TTL: variants seen among roughly 807,000 people sequenced by gnomAD.
TTL encodes the protein tubulin tyrosine ligase.
Under a neutral mutation model 41.1 loss-of-function variants are expected in TTL, and 10 were observed. That is an observed-to-expected ratio of 0.24 (90% CI 0.15 to 0.41). TTL has a LOEUF of 0.41. Ranked by LOEUF, TTL falls within the 10% of genes least tolerant of loss-of-function variation. The pLI is 1.00. For synonymous variants in TTL, 175 were observed against 175.5 expected (o/e 1.00, Z 0.02); for missense variants, 367 against 460.4 (o/e 0.80, Z 1.86).
intron 5 of TTL, among the ~76,000 whole-genome samples, chr2:112,517,148 G>A (rs1308540464): frequency 3.3e-5 from 4 of 120,384 alleles, no homozygotes; most frequent in African/African-American, 1.3e-4. Context: ...TTAATCTTGA[G>A]CTTTCAGCAA....
At position 112,502,894 on chromosome 2, in the gene TTL, G is replaced by A; in HGVS notation, c.606-18G>A. 1 of 1,596,168 alleles carries A rather than the reference G, an allele frequency of 6.3e-7. No individual in the cohort carries two copies. Among genetic ancestry groups the A allele is most frequent in the Non-Finnish European group, 8.5e-7 (1 of 1,170,124 alleles). ...CTTTGGATGACTTGAGTAAAGCAGT[G>A]TTTTTGTTGAATTGCAGAAGCTGGG... On this transcript the variant is annotated intron_variant, in intron 4 of 6. Transcript: ENST00000233336.
chr2:112,499,242 G>T (rs1248506551), intron 3 of TTL, among the ~76,000 whole-genome samples: 2 of 150,490 alleles, frequency 1.3e-5, no homozygotes, highest in Admixed American at 6.6e-5. Flanking sequence ...TTGAACCAGG[G>T]GGCAGAGGTT....
chr2:112,512,338 C>T (rs1322228137), intron 5 of TTL, among the ~76,000 whole-genome samples: 1 of 151,834 alleles, frequency 6.6e-6, no homozygotes, highest in East Asian at 1.9e-4. Context: ...TCTCGGCTCA[C>T]TGCAAGCTCC....
At chr2:112,499,189 C>T (rs1388171953) in intron 3 of TTL, among the ~76,000 whole-genome samples, 9 of 152,098 alleles carry the variant, frequency 5.9e-5, no homozygotes, top group Non-Finnish European at 1.3e-4. Context: ...GTGGCGCATG[C>T]CTGTACTTTC....
rs760041096 is a variant in TTL, at chr2:112,530,118, G to A, written c.*1323G>A. On this transcript the variant is annotated 3_prime_UTR_variant, in exon 7 of 7. Coordinates refer to ENST00000233336, the MANE Select transcript of TTL (RefSeq NM_153712.5). Reference sequence around the variant, plus strand: ...TGCCCTCCCCACCAGAACGTGCTACGTTCTTTCTTCATGCCTATGTGTGCT... The same window carrying A: ...TGCCCTCCCCACCAGAACGTGCTACATTCTTTCTTCATGCCTATGTGTGCT... 4.4e-5 allele frequency: 10 copies of A among 229,454 alleles called. No homozygotes were observed. Among genetic ancestry groups the A allele is most frequent in the Non-Finnish European group, 6.9e-5 (8 of 115,816 alleles). 14.2% of individuals were successfully genotyped at this position (229,454 alleles called of 1,614,324 possible).
In TTL at chr2:112,531,298, A is replaced by C. The variant is rs1682503931; in HGVS notation, c.*2503A>C. 4.4e-6 allele frequency: 1 copy of C among 227,230 alleles called. No individual in the cohort carries two copies. Among genetic ancestry groups the C allele is most frequent in the Non-Finnish European group, 8.8e-6 (1 of 114,070 alleles). 14.1% of individuals were successfully genotyped at this position (227,230 alleles called of 1,614,324 possible). Reference sequence around the variant, plus strand: ...GCTACCCGTTGCTGGGGGAGGAGTCATGGTTTATTTGGAAATGTCAGTTGC... The same window carrying C: ...GCTACCCGTTGCTGGGGGAGGAGTCCTGGTTTATTTGGAAATGTCAGTTGC... On this transcript the variant is annotated 3_prime_UTR_variant, in exon 7 of 7. Transcript: ENST00000233336.
In TTL at chr2:112,533,668, AT is replaced by A. The variant is rs1040973691; in HGVS notation, c.*4875del. The A allele has an allele frequency of 2.0e-5, 3 of 152,160 alleles. No individual in the cohort carries two copies. The highest frequency in any genetic ancestry group is 7.2e-5 in the African/African-American group (3 of 41,438). 9.4% of individuals were successfully genotyped at this position (152,160 alleles called of 1,614,324 possible). A position where few individuals can be genotyped will look rare whatever the true frequency, so the allele number is the denominator to read the frequency against. On this transcript the variant is annotated 3_prime_UTR_variant, in exon 7 of 7. Transcript: ENST00000233336. The stretch of plus-strand genomic sequence containing the variant: ...TAACTCACCCTTTAACTAGCAACCC[AT>A]TCCTGTGATAACTAACCCACTCCTG...
At chr2:112,489,507 C>T (rs1681326151) in intron 2 of TTL, among the ~76,000 whole-genome samples, 1 of 152,170 alleles carries the variant, frequency 6.6e-6, no homozygotes, top group Admixed American at 6.5e-5. Flanking sequence ...AGTAAATTCA[C>T]CAACTCTTGT....
At position 112,538,961 on chromosome 2, in the gene TTL, C is replaced by CA. The variant is rs1449471416; in HGVS notation, c.*10172dup. The CA allele has an allele frequency of 1.3e-5, 2 of 151,318 alleles. No individual in the cohort carries two copies. Among genetic ancestry groups the CA allele is most frequent in the Non-Finnish European group, 2.9e-5 (2 of 67,894 alleles). 9.4% of individuals were successfully genotyped at this position (151,318 alleles called of 1,614,324 possible). A position where few individuals can be genotyped will look rare whatever the true frequency, so the allele number is the denominator to read the frequency against. On this transcript the variant is annotated 3_prime_UTR_variant, in exon 7 of 7. Coordinates refer to ENST00000233336, the MANE Select transcript of TTL (RefSeq NM_153712.5). ...TGAAACCCCGTCTCCACTAAAAATA[C>CA]AAAAAATTAGCCGGGCGTGGTAGCA...
chr2:112,512,407 C>T lies in TTL; in HGVS notation c.876-7875C>T, dbSNP rs200818249. 1.6e-3 allele frequency among the ~76,000 whole-genome samples: 238 copies of T among 152,150 alleles called. 1 individual carries two copies. The highest frequency in any genetic ancestry group is 0.013 in the East Asian group (67 of 5,164). ...CCTCCCGAATAGCTGGGACTACAGGCGCCCGCCACCATGCCCGGCTAATTT... is the reference window on the plus strand; with the variant it reads ...CCTCCCGAATAGCTGGGACTACAGGTGCCCGCCACCATGCCCGGCTAATTT... On this transcript the variant is annotated intron_variant, in intron 5 of 6. Transcript: ENST00000233336.
chr2:112,499,209 G>C (rs1165202015), intron 3 of TTL, among the ~76,000 whole-genome samples: 7 of 152,212 alleles, frequency 4.6e-5, no homozygotes, highest in Non-Finnish European at 2.9e-5. Context: ...CAGCTACTCG[G>C]GAGGCTGAGG....
At chr2:112,490,568 CTTTTTTT>C (rs35722764) in intron 2 of TTL, among the ~76,000 whole-genome samples, 25 of 110,686 alleles carry the variant, frequency 2.3e-4, no homozygotes, top group Non-Finnish European at 1.8e-4. Flanking sequence ...CTTAGTAAAT[CTTTTTTT>C]TTTTTTTTTT....
At chr2:112,521,040 G>A (rs1441788246) in intron 6 of TTL, among the ~76,000 whole-genome samples, 1 of 152,172 alleles carries the variant, frequency 6.6e-6, no homozygotes, top group East Asian at 1.9e-4. Context: ...CCTATGATGT[G>A]GCGACCCAGA....
At chr2:112,484,554 C>T (rs1286859958) in intron 1 of TTL, among the ~76,000 whole-genome samples, 2 of 152,004 alleles carry the variant, frequency 1.3e-5, no homozygotes, top group Non-Finnish European at 2.9e-5. Context: ...CATGAACCAC[C>T]GTGCCCGGCC....
At chr2:112,515,836 A>G (rs1682054354) in intron 5 of TTL, among the ~76,000 whole-genome samples, 1 of 152,054 alleles carries the variant, frequency 6.6e-6, no homozygotes, top group Admixed American at 6.6e-5. Context: ...AGTCCCAGTT[A>G]CTCAGGAGGC....
chr2:112,500,767 C>G (rs1681672523), intron 3 of TTL, among the ~76,000 whole-genome samples: 1 of 152,116 alleles, frequency 6.6e-6, no homozygotes, highest in African/African-American at 2.4e-5. Flanking sequence ...CCAGTTTTTT[C>G]TATTGCAATG....
intron 5 of TTL, among the ~76,000 whole-genome samples, chr2:112,517,899 A>G (rs1006854080): frequency 1.3e-5 from 2 of 151,254 alleles, no homozygotes; most frequent in African/African-American, 4.8e-5. Context: ...GCAGTGAGCC[A>G]TGATTGGGCC....
At position 112,482,388 on chromosome 2, in the gene TTL, C is replaced by G. The variant is rs1163168994; in HGVS notation, c.44C>G (p.Ala15Gly). ...CGCGATGAGAACAGCAGCGTCTACGCCGAGGTCTCCCGGCTGCTCCTCGCC... is the reference window on the plus strand; with the variant it reads ...CGCGATGAGAACAGCAGCGTCTACGGCGAGGTCTCCCGGCTGCTCCTCGCC... ...VVRDENSSVY[A>G]EVSRLLLATG... The change falls in exon 1 of 7, where the codon GCC becomes GGC. Residue 15 changes from alanine (A) to glycine (G), a missense_variant. Transcript: ENST00000233336. This position sits in a 1 kb window ranked among gnomAD's most constrained non-coding sequence, Gnocchi z 5.3. 6.3e-7 allele frequency: 1 copy of G among 1,594,304 alleles called. No homozygotes were observed. The highest frequency in any genetic ancestry group is 8.5e-7 in the Non-Finnish European group (1 of 1,171,542).
rs1682613019 is a variant in TTL, at chr2:112,537,072, T to A, written c.*8277T>A. The A allele has an allele frequency of 1.3e-5, 2 of 152,864 alleles. No individual in the cohort carries two copies. Among genetic ancestry groups the A allele is most frequent in the African/African-American group, 2.4e-5 (1 of 41,556 alleles). The allele number at this position is 152,864 out of a possible 1,614,324, so 9.5% of individuals were successfully genotyped here. A position where few individuals can be genotyped will look rare whatever the true frequency, so the allele number is the denominator to read the frequency against. Reference sequence around the variant, plus strand: ...ATGGGAGGCTATGTTGAATGGTAGCTCTGTTTTTGTTTGTTTGTTTGTTTG... The same window carrying A: ...ATGGGAGGCTATGTTGAATGGTAGCACTGTTTTTGTTTGTTTGTTTGTTTG... On this transcript the variant is annotated 3_prime_UTR_variant, in exon 7 of 7. Coordinates refer to ENST00000233336, the MANE Select transcript of TTL (RefSeq NM_153712.5).
Sources: gnomAD v4.1 joint callset for allele counts (sites outside exome capture counted in the v4.1 genomes callset) on GRCh38, gnomAD v4.1.1 for gene constraint, Gnocchi (gnomAD v3.1) non-coding constraint, MANE v1.5 for transcripts, NCBI Gene and HGNC (gene_info 2026-07-23, HGNC 2026-07-21) for gene names.